TERB1: variants seen among roughly 807,000 people sequenced by gnomAD.
The protein encoded by TERB1 is telomere repeats-binding bouquet formation protein 1.
Under a neutral mutation model 92.3 loss-of-function variants are expected in TERB1, and 63 were observed. The ratio of observed to expected loss-of-function variants is 0.68; its 90% CI spans 0.56 to 0.84. TERB1 has a LOEUF of 0.84. Among genes scored for constraint, TERB1 ranks in the 40% least tolerant of loss-of-function variants. The probability of loss-of-function intolerance (pLI) is 0.00; values close to 1 mark genes in which losing one functional copy is unlikely to be tolerated. For synonymous variants in TERB1, 252 were observed against 283.9 expected, an observed-to-expected ratio of 0.89 and a Z score of 1.13; for missense variants, 709 against 843.7, an observed-to-expected ratio of 0.84 and a Z score of 1.98.
At chr16:66,758,246 A>G (rs1183428776) in intron 18 of TERB1, 1 of 153,848 alleles carries the variant, frequency 6.5e-6, no homozygotes, top group Non-Finnish European at 1.4e-5. Context: ...AATAAATGTT[A>G]GTTTCCTCCT....
At chr16:66,766,364 A>G (rs1441554845) in intron 16 of TERB1, among the ~76,000 whole-genome samples, 1 of 152,212 alleles carries the variant, frequency 6.6e-6, no homozygotes. Context: ...CCAAGAGGGA[A>G]GAACAATGAT....
At chr16:66,788,126 T>C (rs1337190498) in intron 6 of TERB1, 43 bp downstream of exon 6, 4 of 1,334,990 alleles carry the variant, frequency 3.0e-6, no homozygotes, top group Non-Finnish European at 4.0e-6. Context: ...GCTGTTCCAA[T>C]TGATTAAAGT....
Position 66,755,155 on chromosome 16 carries a change from T to C in TERB1, c.2005A>G (p.Arg669Gly). The C allele has an allele frequency of 6.6e-7, 1 of 1,511,914 alleles. No individual in the cohort carries two copies. The highest frequency in any genetic ancestry group is 9.0e-7 in the Non-Finnish European group (1 of 1,112,138). 93.7% of individuals were successfully genotyped at this position (1,511,914 alleles called of 1,614,324 possible). The change falls in exon 19 of 19, where the codon AGA becomes GGA. Residue 669 changes from arginine (R) to glycine (G), a missense_variant. By Grantham distance (125) the Arg-to-Gly change is moderately radical. Transcript: ENST00000433154. ...STTPGGIKKR[R>G]IRKNFTEEEV... is the part of the protein sequence containing the mutation. ...TCTTCAGTAAAGTTTTTGCGAATTC[T>C]TCTTTTTTCTATAATTAGAATTGTA...
chr16:66,772,640 T>C lies in TERB1; in HGVS notation c.1221A>G (p.Lys407=). Residue 407 remains lysine, a synonymous_variant, in exon 13 of 19, where the codon AAA becomes AAG. Coordinates refer to ENST00000433154, the MANE Select transcript of TERB1 (RefSeq NM_001136505.2). ...KENNLEEHWR[K]AKEILHRIEQ... ...CTATTCTGTGTAGAATTTCCTTTGCTTTCCTCCAGTGCTCTTCAAGATTAT... is the reference window on the plus strand; with the variant it reads ...CTATTCTGTGTAGAATTTCCTTTGCCTTCCTCCAGTGCTCTTCAAGATTAT... 3.9e-6 allele frequency: 6 copies of C among 1,551,692 alleles called. No individual in the cohort carries two copies. Among genetic ancestry groups the C allele is most frequent in the Non-Finnish European group, 4.4e-6 (5 of 1,146,820 alleles).
chr16:66,801,240 G>A (rs1007614168), intron 1 of TERB1, among the ~76,000 whole-genome samples, 187 bp from the exon 2 acceptor site: 3 of 152,200 alleles, frequency 2.0e-5, no homozygotes, highest in Non-Finnish European at 2.9e-5. Flanking sequence ...TGGGGAGTCA[G>A]AAGTGAAATA....
chr16:66,789,199 G>A (rs1391011651), intron 5 of TERB1, among the ~76,000 whole-genome samples: 1 of 151,814 alleles, frequency 6.6e-6, no homozygotes, highest in Admixed American at 6.6e-5. Flanking sequence ...TCTCCATGCC[G>A]TGATTATGCA....
chr16:66,756,182 C>T (rs1289076470), intron 18 of TERB1, among the ~76,000 whole-genome samples: 1 of 152,050 alleles, frequency 6.6e-6, no homozygotes, highest in South Asian at 2.1e-4. Context: ...TCTGTATTTC[C>T]AGTTGAGGCT....
At chr16:66,772,051 TA>T (rs35619576) in intron 13 of TERB1, among the ~76,000 whole-genome samples, 45,918 of 152,128 alleles carry the variant, frequency 0.3, 8,194 homozygotes, top group East Asian at 0.6. Flanking sequence ...TTCTACTTTT[TA>T]AAAATCTTTT....
Position 66,770,194 on chromosome 16 carries a change from T to C in TERB1, c.1388A>G (p.Asp463Gly), listed in dbSNP as rs1273706644. 1 of 1,552,310 alleles carries C rather than the reference T, an allele frequency of 6.4e-7. No individual in the cohort carries two copies. The highest frequency in any genetic ancestry group is 1.2e-5 in the South Asian group (1 of 84,060). Residue 463 changes from aspartate (D) to glycine (G), a missense_variant, in exon 14 of 19, where the codon GAT (aspartate) becomes GGT (glycine). Transcript: ENST00000433154. Reference sequence around the variant, plus strand: ...CTGTCTAGAATGGCTTTTATCCTCATCTTCTGCTTTGCTACCTCGACCAAT... The same window carrying C: ...CTGTCTAGAATGGCTTTTATCCTCACCTTCTGCTTTGCTACCTCGACCAAT... ...DRIGRGSKAE[D>G]EDKSHSRQLQ...
At chr16:66,785,954 AAT>A in intron 8 of TERB1, 46 bp from the exon 9 acceptor site, 1 of 1,529,476 alleles carries the variant, frequency 6.5e-7, no homozygotes, top group Non-Finnish European at 8.8e-7. Context: ...ACAATTGGAA[AAT>A]ATCAGTTTTC....
intron 2 of TERB1, chr16:66,799,939 G>A (rs2145278803): frequency 6.6e-6 from 1 of 152,284 alleles, no homozygotes; most frequent in South Asian, 2.1e-4. Context: ...CTGGATGACA[G>A]AGAGAACCTC....
chr16:66,800,401 T>TTTG (rs1442401876), intron 2 of TERB1, among the ~76,000 whole-genome samples: 2 of 147,052 alleles, frequency 1.4e-5, no homozygotes, highest in Non-Finnish European at 3.0e-5. Flanking sequence ...AGTTTTTTTT[T>TTTG]TTTTTTTTTG....
chr16:66,767,997 G>A (rs2018378698), intron 15 of TERB1, 107 bp downstream of exon 15: 2 of 875,712 alleles, frequency 2.3e-6, no homozygotes, highest in Non-Finnish European at 3.7e-6. Flanking sequence ...CAAAGTGCTG[G>A]GATTACAGGC....
At chr16:66,797,602 TAA>T (rs1959204107) in intron 2 of TERB1, among the ~76,000 whole-genome samples, 1 of 144,136 alleles carries the variant, frequency 6.9e-6, no homozygotes, top group Non-Finnish European at 1.5e-5. Context: ...CCCCTCTACC[TAA>T]GAGAGGTTTA....
At chr16:66,801,087 G>C (rs1446911215) in intron 1 of TERB1, 34 bp from the exon 2 acceptor site, 3 of 152,300 alleles carry the variant, frequency 2.0e-5, no homozygotes, top group Non-Finnish European at 2.9e-5. Context: ...TAGCCGCGCG[G>C]GCCACTCGTG....
At chr16:66,774,338 A>G (rs967545798) in intron 12 of TERB1, among the ~76,000 whole-genome samples, 20 of 151,820 alleles carry the variant, frequency 1.3e-4, no homozygotes, top group African/African-American at 4.4e-4. Context: ...GGCGTCTGCC[A>G]ACACGCCCGG....
intron 18 of TERB1, among the ~76,000 whole-genome samples, chr16:66,755,975 T>C (rs1203972321): frequency 6.6e-6 from 1 of 152,316 alleles, no homozygotes; most frequent in East Asian, 1.9e-4. Flanking sequence ...ACTCAAAATA[T>C]AGGCTGCACA....
Position 66,772,634 on chromosome 16 carries a change from C to T in TERB1, c.1227G>A (p.Lys409=), listed in dbSNP as rs778607097. ...GCTGTTCTATTCTGTGTAGAATTTC[C>T]TTTGCTTTCCTCCAGTGCTCTTCAA... The part of the protein sequence containing the change: ...NNLEEHWRKA[K]EILHRIEQLE... Residue 409 remains lysine, a synonymous_variant, in exon 13 of 19, where the codon AAG becomes AAA. Coordinates refer to ENST00000433154, the MANE Select transcript of TERB1 (RefSeq NM_001136505.2). The T allele has an allele frequency of 5.8e-6, 9 of 1,551,424 alleles. No individual in the cohort carries two copies. Among genetic ancestry groups the T allele is most frequent in the East Asian group, 4.9e-5 (2 of 40,854 alleles).
Position 66,790,923 on chromosome 16 carries a change from A to G in TERB1, c.128T>C (p.Ile43Thr), listed in dbSNP as rs1260744518. 4 of 1,545,896 alleles carry G rather than the reference A, an allele frequency of 2.6e-6. No individual in the cohort carries two copies. The highest frequency in any genetic ancestry group is 2.6e-6 in the Non-Finnish European group (3 of 1,143,078). Reference sequence around the variant, plus strand: ...TTATATCTTACTGTTTTGTTGACAAATTGAATGAATAGTGACCAAAGCTTC... The same window carrying G: ...TTATATCTTACTGTTTTGTTGACAAGTTGAATGAATAGTGACCAAAGCTTC... ...QKEALVTIHS[I>T]CQQNSNASVY... is the part of the protein sequence containing the mutation. The change falls in exon 4 of 19, where the codon ATT becomes ACT. Residue 43 changes from isoleucine (I) to threonine (T), a missense_variant. Physicochemically the swap from Ile to Thr is moderately conservative, Grantham distance 89. Transcript: ENST00000433154.
Sources: gnomAD v4.1 joint callset for allele counts (sites outside exome capture counted in the v4.1 genomes callset) on GRCh38, gnomAD v4.1.1 for gene constraint, MANE v1.5 for transcripts, NCBI Gene and HGNC (gene_info 2026-07-23, HGNC 2026-07-21) for gene names.